The following CTPS2 variants were observed in gnomAD, a reference collection of about 807,000 sequenced individuals.
The protein encoded by CTPS2 is CTP synthase 2.
Under a neutral mutation model 46.8 loss-of-function variants are expected in CTPS2, and 19 were observed. The observed-to-expected ratio is 0.41, with a 90% confidence interval of 0.28 to 0.60. The LOEUF is 0.60. Ranked by LOEUF, CTPS2 falls within the 20% of genes least tolerant of loss-of-function variation. The pLI, the probability that CTPS2 is intolerant of heterozygous loss-of-function variation, is 0.35. For missense variants in CTPS2, 286 were observed against 447.6 expected, an observed-to-expected ratio of 0.64 and a Z score of 3.26; for synonymous variants, 151 against 165.2, an observed-to-expected ratio of 0.91 and a Z score of 0.66.
chrX:16,627,052 G>A (rs1197695392), intron 14 of CTPS2: 1 of 113,469 alleles, frequency 8.8e-6, no homozygotes, highest in African/African-American at 3.3e-5. Context: ...CATTATTTTC[G>A]ACGGCAAAAA....
chrX:16,629,567 C>T (rs1931354672), intron 14 of CTPS2, among the ~76,000 whole-genome samples: 1 of 110,661 alleles, frequency 9.0e-6, no homozygotes, highest in Non-Finnish European at 1.9e-5. Context: ...TTTTTTTTCC[C>T]CTGCTCTAAT....
At chrX:16,593,307 T>C (rs1369405882) in intron 17 of CTPS2, among the ~76,000 whole-genome samples, 5 of 108,166 alleles carry the variant, frequency 4.6e-5, no homozygotes, top group African/African-American at 1.7e-4. Flanking sequence ...CGGGCGCCTG[T>C]AGTCCCAGCT....
At chrX:16,690,139 G>A (rs1366990359) in intron 7 of CTPS2, among the ~76,000 whole-genome samples, 1 of 110,061 alleles carries the variant, frequency 9.1e-6, no homozygotes, top group East Asian at 2.9e-4. Flanking sequence ...TGGAGGCTGA[G>A]GCAGGCGGAT....
rs375341867 is a variant in CTPS2 at position 16,628,936 on chromosome X, C to T, written c.1394-8604G>A. Among the ~76,000 whole-genome samples the T allele has an allele frequency of 4.5e-4, 50 of 112,140 alleles. No individual in the cohort carries two copies. The East Asian group carries it at 9.9e-3, about 22-fold the overall frequency. ...AAATATCAGCCACACTTAAACAGTG[C>T]CTTTTCTGTGCCAGGCACTGTTCTA... On this transcript the variant is annotated intron_variant, in intron 14 of 18. Coordinates refer to ENST00000359276, the MANE Select transcript of CTPS2 (RefSeq NM_175859.3).
intron 9 of CTPS2, among the ~76,000 whole-genome samples, chrX:16,681,672 A>G (rs1313169327): frequency 9.0e-6 from 1 of 110,746 alleles, no homozygotes; most frequent in Non-Finnish European, 1.9e-5. Context: ...CAGCCTCCCA[A>G]TTAGCTGAGA....
At chrX:16,654,424 ATC>A (rs1453706764) in intron 13 of CTPS2, 1 of 1,196,410 alleles carries the variant, frequency 8.4e-7, no homozygotes, top group Non-Finnish European at 1.1e-6. Flanking sequence ...ACCCTAGATG[ATC>A]TCTTTCAAGA....
intron 13 of CTPS2, among the ~76,000 whole-genome samples, chrX:16,649,170 C>T (rs1198703484): frequency 8.9e-6 from 1 of 111,859 alleles, no homozygotes; most frequent in East Asian, 2.8e-4. Context: ...AAGAGTAAGT[C>T]GAGTGTTCTC....
At chrX:16,654,279 T>C in intron 13 of CTPS2, 1 of 431,934 alleles carries the variant, frequency 2.3e-6, no homozygotes, top group Non-Finnish European at 4.1e-6. Flanking sequence ...TAGATGCATG[T>C]CACTGGAAAC....
At chrX:16,702,525 A>G (rs1317333812) in intron 2 of CTPS2, among the ~76,000 whole-genome samples, 1 of 112,374 alleles carries the variant, frequency 8.9e-6, no homozygotes, top group Non-Finnish European at 1.9e-5. Flanking sequence ...TCTGTAGTGC[A>G]AAAGATACAA....
At chrX:16,598,989 C>T (rs1035424513) in intron 17 of CTPS2, among the ~76,000 whole-genome samples, 1 of 111,765 alleles carries the variant, frequency 8.9e-6, no homozygotes, top group Non-Finnish European at 1.9e-5. Context: ...GCAGAAAAGG[C>T]CTTTGACAGA....
chrX:16,592,435 T>C (rs1928958445), intron 17 of CTPS2, among the ~76,000 whole-genome samples: 1 of 112,214 alleles, frequency 8.9e-6, no homozygotes, highest in African/African-American at 3.2e-5. Context: ...GCTGTAATTC[T>C]TTTCAGCTGC....
chrX:16,654,869 G>A (rs1231238606), intron 13 of CTPS2, among the ~76,000 whole-genome samples: 1 of 110,289 alleles, frequency 9.1e-6, no homozygotes, highest in Non-Finnish European at 1.9e-5. Context: ...CTGGACCACA[G>A]AGGGAGACCC....
At chrX:16,672,577 A>T (rs1921840109) in intron 10 of CTPS2, among the ~76,000 whole-genome samples, 1 of 111,626 alleles carries the variant, frequency 9.0e-6, no homozygotes, top group Non-Finnish European at 1.9e-5. Context: ...ATTGGGTGCT[A>T]GGCAGAGTGG....
chrX:16,673,373 G>T (rs1921947297), intron 10 of CTPS2, among the ~76,000 whole-genome samples: 2 of 110,994 alleles, frequency 1.8e-5, no homozygotes, highest in South Asian at 7.6e-4. Context: ...CTAGATAAGG[G>T]TTCCCTCTCA....
At chrX:16,653,973 A>C (rs943495068) in intron 13 of CTPS2, among the ~76,000 whole-genome samples, 2 of 110,964 alleles carry the variant, frequency 1.8e-5, no homozygotes, top group African/African-American at 6.6e-5. Flanking sequence ...GCCTCATGTA[A>C]TATGTCAGCC....
At chrX:16,663,425 G>A (rs1190062274) in intron 13 of CTPS2, among the ~76,000 whole-genome samples, 1 of 112,059 alleles carries the variant, frequency 8.9e-6, no homozygotes, top group Non-Finnish European at 1.9e-5. Context: ...GGGATTACAG[G>A]CATGAGACAC....
chrX:16,664,698 G>C (rs183671152), intron 13 of CTPS2, among the ~76,000 whole-genome samples: 191 of 111,902 alleles, frequency 1.7e-3, no homozygotes, highest in Middle Eastern at 4.6e-3. Context: ...AATAGAACTA[G>C]ATTTCTCTAA....
At chrX:16,674,703 T>C (rs1922100981) in intron 10 of CTPS2, among the ~76,000 whole-genome samples, 1 of 106,250 alleles carries the variant, frequency 9.4e-6, no homozygotes, top group Non-Finnish European at 1.9e-5. Context: ...CCGGGCGTGG[T>C]GGCAGGCGCC....
At chrX:16,676,203 G>T (rs1384813834) in intron 10 of CTPS2, among the ~76,000 whole-genome samples, 5 of 112,227 alleles carry the variant, frequency 4.5e-5, no homozygotes, top group Non-Finnish European at 9.4e-5. Flanking sequence ...GACTGGAATG[G>T]TGTGCTTTCC....
Sources: gnomAD v4.1 joint callset for allele counts (sites outside exome capture counted in the v4.1 genomes callset) on GRCh38, gnomAD v4.1.1 for gene constraint, MANE v1.5 for transcripts, NCBI Gene and HGNC (gene_info 2026-07-23, HGNC 2026-07-21) for gene names.